Variants in ASIC1 observed in about 807,000 individuals in gnomAD.
The protein encoded by ASIC1 is acid sensing ion channel subunit 1, also known as acid-sensing ion channel 1.
Under a neutral mutation model 63.4 loss-of-function variants are expected in ASIC1, and 21 were observed. The observed-to-expected ratio is 0.33, with a 90% CI of 0.23 to 0.48. The LOEUF (loss-of-function observed/expected upper bound fraction) is 0.48, where lower values mean the gene tolerates loss of function less well. Ranked by LOEUF, ASIC1 falls within the 20% of genes least tolerant of loss-of-function variation. The pLI is 0.99. For missense variants in ASIC1, 478 were observed against 695.5 expected, an observed-to-expected ratio of 0.69 and a Z score of 3.52; for synonymous variants, 258 against 278.2, an observed-to-expected ratio of 0.93 and a Z score of 0.72.
intron 3 of ASIC1, among the ~76,000 whole-genome samples, chr12:50,068,413 G>A (rs535316076): frequency 1.3e-5 from 2 of 152,176 alleles, no homozygotes; most frequent in South Asian, 2.1e-4. Context: ...AAGTCATAGG[G>A]TATGATTCTG....
intron 3 of ASIC1, 132 bp downstream of exon 3, chr12:50,060,086 A>G: frequency 9.2e-7 from 1 of 1,088,810 alleles, no homozygotes; most frequent in Non-Finnish European, 1.3e-6. Context: ...GTTTGCTTCT[A>G]GTAGAAGGGG....
chr12:50,078,267 T>C lies in ASIC1; in HGVS notation c.837+140T>C, dbSNP rs1405493995. On this transcript the variant is annotated intron_variant, in intron 5 of 11. Transcript: ENST00000447966. This position sits in a 1 kb window ranked among gnomAD's most constrained non-coding sequence, Gnocchi z 6.0. ...CTAGTCAGAAGCATGAGTGATCGAA[T>C]GAACAAGAATGCTCTGTAAACTCTG... 35 of 1,503,174 alleles carry C rather than the reference T, an allele frequency of 2.3e-5. No individual in the cohort carries two copies. The highest frequency in any genetic ancestry group is 3.0e-5 in the Non-Finnish European group (33 of 1,115,766). The allele number at this position is 1,503,174 out of a possible 1,614,324, so 93.1% of individuals were successfully genotyped here. A position where few individuals can be genotyped will look rare whatever the true frequency, so the allele number is the denominator to read the frequency against.
chr12:50,073,200 G>C (rs1458095213), intron 3 of ASIC1, among the ~76,000 whole-genome samples: 1 of 152,148 alleles, frequency 6.6e-6, no homozygotes, highest in Non-Finnish European at 1.5e-5. Flanking sequence ...CCTGGGAGGG[G>C]TGGGTTCCAG....
intron 8 of ASIC1, 123 bp from the exon 9 acceptor site, chr12:50,080,375 C>T: frequency 2.1e-6 from 2 of 962,672 alleles, no homozygotes; most frequent in East Asian, 5.2e-5. Flanking sequence ...GTATCTCCAT[C>T]AGCATCTCAT....
At position 50,081,252 on chromosome 12, in the gene ASIC1, C is replaced by T. The variant is rs767518722; in HGVS notation, c.1378-8C>T. Reference sequence around the variant, plus strand: ...CCAGCCCGCCCACCTGCCCCGTCCCCGTCCTAGGTCATTAAGCACAAGCTG... The same window carrying T: ...CCAGCCCGCCCACCTGCCCCGTCCCTGTCCTAGGTCATTAAGCACAAGCTG... On this transcript the variant is annotated splice_region_variant and splice_polypyrimidine_tract_variant and intron_variant, in intron 10 of 11. Transcript: ENST00000447966. The T allele has an allele frequency of 1.7e-5, 27 of 1,605,770 alleles. No homozygotes were observed. Among genetic ancestry groups the T allele is most frequent in the Middle Eastern group, 1.6e-4 (1 of 6,074 alleles).
At chr12:50,071,933 GT>G (rs924248077) in intron 3 of ASIC1, among the ~76,000 whole-genome samples, 1 of 152,210 alleles carries the variant, frequency 6.6e-6, no homozygotes, top group African/African-American at 2.4e-5. Flanking sequence ...GAGGAGGGCA[GT>G]GGCAGAAAGA....
rs1227543239 is a variant in ASIC1 at position 50,074,715 on chromosome 12, G to A, written c.559-2498G>A. Among the ~76,000 whole-genome samples the A allele has an allele frequency of 6.6e-6, 1 of 152,102 alleles. No individual in the cohort carries two copies. On this transcript the variant is annotated intron_variant, in intron 3 of 11. Coordinates refer to ENST00000447966, the MANE Select transcript of ASIC1 (RefSeq NM_001095.4). This position sits in a 1 kb window ranked among gnomAD's most constrained non-coding sequence, Gnocchi z 4.2. ...GTCTCTGGTGGTACAAGAGAAGGGA[G>A]TGAAAGGGTGACAGTAGAGGGGTGG...
chr12:50,080,106 T>C, intron 8 of ASIC1, 51 bp downstream of exon 8: 1 of 1,550,474 alleles, frequency 6.4e-7, no homozygotes, highest in Non-Finnish European at 8.7e-7. Context: ...GACTGTGGAA[T>C]GGATGAGTGG....
Position 50,059,915 on chromosome 12 carries a change from C to CT in ASIC1, c.521dup (p.Arg175ProfsTer8). 1 of 1,614,180 alleles carries CT rather than the reference C, an allele frequency of 6.2e-7. No individual in the cohort carries two copies. Among genetic ancestry groups the CT allele is most frequent in the Non-Finnish European group, 8.5e-7 (1 of 1,180,016 alleles). On this transcript the variant is annotated frameshift_variant, in exon 3 of 12. Transcript: ENST00000447966. LOFTEE classifies it high-confidence loss of function. The surrounding 1 kb of genome is among the most constrained non-coding windows in gnomAD (Gnocchi z 4.6). The stretch of plus-strand genomic sequence containing the variant: ...TTCGAGACATGCTGCTCTCCTGCCA[C>CT]TTCCGGGGGGAGGTCTGCAGCGCTG...
At position 50,078,197 on chromosome 12, in the gene ASIC1, A is replaced by G. The variant is rs1444755309; in HGVS notation, c.837+70A>G. On this transcript the variant is annotated intron_variant, in intron 5 of 11. Coordinates refer to ENST00000447966, the MANE Select transcript of ASIC1 (RefSeq NM_001095.4). This position sits in a 1 kb window ranked among gnomAD's most constrained non-coding sequence, Gnocchi z 6.0. ...GGTCCAGATGGAGTGGTGGGCAATCAGTAATGGGAAGGACAGGTGAGCAAG... is the reference window on the plus strand; with the variant it reads ...GGTCCAGATGGAGTGGTGGGCAATCGGTAATGGGAAGGACAGGTGAGCAAG... The G allele has an allele frequency of 1.3e-6, 2 of 1,562,886 alleles. No individual in the cohort carries two copies. The highest frequency in any genetic ancestry group is 2.7e-5 in the African/African-American group (2 of 73,212).
intron 3 of ASIC1, among the ~76,000 whole-genome samples, chr12:50,076,476 A>AC (rs1332330382): frequency 6.6e-6 from 1 of 151,520 alleles, no homozygotes; most frequent in East Asian, 1.9e-4. Context: ...CAAAAAAAAA[A>AC]AACTGAGTTT....
intron 3 of ASIC1, among the ~76,000 whole-genome samples, chr12:50,070,272 A>G (rs1950585873): frequency 6.6e-6 from 1 of 152,104 alleles, no homozygotes; most frequent in Non-Finnish European, 1.5e-5. Flanking sequence ...CTTGAACAAG[A>G]TGAAGATGGG....
intron 3 of ASIC1, among the ~76,000 whole-genome samples, chr12:50,075,939 CTG>C (rs1565730811): frequency 6.6e-6 from 1 of 152,182 alleles, no homozygotes; most frequent in Non-Finnish European, 1.5e-5. Flanking sequence ...GGGGAGAAGA[CTG>C]GGGAGACAGC....
intron 3 of ASIC1, chr12:50,076,999 G>A (rs1873900): frequency 5.8e-5 from 45 of 781,982 alleles, no homozygotes; most frequent in African/African-American, 4.2e-4. Context: ...GAGCTCAGGC[G>A]ATGCACCCTA....
intron 3 of ASIC1, among the ~76,000 whole-genome samples, chr12:50,068,417 G>GATTCTGTTT (rs2137823224): frequency 6.6e-6 from 1 of 152,190 alleles, no homozygotes; most frequent in African/African-American, 2.4e-5. Flanking sequence ...CATAGGGTAT[G>GATTCTGTTT]ATTCTGTTTA....
In ASIC1 at chr12:50,081,882, G is replaced by T; in HGVS notation, c.*233G>T. On this transcript the variant is annotated 3_prime_UTR_variant, in exon 12 of 12. Coordinates refer to ENST00000447966, the MANE Select transcript of ASIC1 (RefSeq NM_001095.4). Reference sequence around the variant, plus strand: ...AAAAGAACTAAAAAGGGAGAACGGGGCAAGGGACCTCAGGCTGCCCCTCTC... The same window carrying T: ...AAAAGAACTAAAAAGGGAGAACGGGTCAAGGGACCTCAGGCTGCCCCTCTC... 2 of 547,362 alleles carry T rather than the reference G, an allele frequency of 3.7e-6. No individual in the cohort carries two copies. The highest frequency in any genetic ancestry group is 4.4e-5 in the South Asian group (2 of 45,402). The allele number at this position is 547,362 out of a possible 1,614,324, so 33.9% of individuals were successfully genotyped here.
At chr12:50,080,439 G>T in intron 8 of ASIC1, 59 bp from the exon 9 acceptor site, 1 of 1,540,310 alleles carries the variant, frequency 6.5e-7, no homozygotes, top group Non-Finnish European at 8.9e-7. Context: ...AGGTCACCTG[G>T]TTAGTAAGAG....
At position 50,080,488 on chromosome 12, in the gene ASIC1, C is replaced by G; in HGVS notation, c.1206-10C>G. ...TTGAACCTAGGTCTCCTCCCCCAAT[C>G]CCTGTGCAGGGAGAACATCCTGGTG... On this transcript the variant is annotated splice_polypyrimidine_tract_variant and intron_variant, in intron 8 of 11. Coordinates refer to ENST00000447966, the MANE Select transcript of ASIC1 (RefSeq NM_001095.4). 1 of 1,613,560 alleles carries G rather than the reference C, an allele frequency of 6.2e-7. No individual in the cohort carries two copies. The highest frequency in any genetic ancestry group is 8.5e-7 in the Non-Finnish European group (1 of 1,179,552).
In ASIC1 at chr12:50,059,349, C is replaced by T. The variant is rs1950479282; in HGVS notation, c.362+221C>T. Among the ~76,000 whole-genome samples, 1 of 152,176 alleles carries T rather than the reference C, an allele frequency of 6.6e-6. No individual in the cohort carries two copies. Among genetic ancestry groups the T allele is most frequent in the African/African-American group, 2.4e-5 (1 of 41,440 alleles). ...CCAGCATAGTCCAGAACAGCTCGAC[C>T]CCCACCCAGCCTGAGGTATGAGACA... is the stretch of plus-strand genomic sequence containing the variant. On this transcript the variant is annotated intron_variant, in intron 2 of 11. Coordinates refer to ENST00000447966, the MANE Select transcript of ASIC1 (RefSeq NM_001095.4). This position sits in a 1 kb window ranked among gnomAD's most constrained non-coding sequence, Gnocchi z 4.6.
Sources: gnomAD v4.1 joint callset for allele counts (sites outside exome capture counted in the v4.1 genomes callset) on GRCh38, gnomAD v4.1.1 for gene constraint, Gnocchi (gnomAD v3.1) non-coding constraint, MANE v1.5 for transcripts, NCBI Gene and HGNC (gene_info 2026-07-23, HGNC 2026-07-21) for gene names.